EDIL3: variants seen among roughly 807,000 people sequenced by gnomAD.
EDIL3 encodes EGF like and discoidin domains 3, also known as EGF-like repeat and discoidin I-like domain-containing protein 3.
In EDIL3, 37 loss-of-function variants were observed where a neutral mutation model predicts 67.4. That is an observed-to-expected ratio of 0.55 (90% CI 0.42 to 0.72). The LOEUF is 0.72. Ranked by LOEUF, EDIL3 falls within the 30% of genes least tolerant of loss-of-function variation. The pLI is 0.00. For missense variants in EDIL3, 527 were observed against 586.3 expected (o/e 0.90, Z 1.04); for synonymous variants, 195 against 196.3 (o/e 0.99, Z 0.05).
chr5:84,050,259 T>G (rs1056465560), intron 9 of EDIL3, among the ~76,000 whole-genome samples: 1 of 151,190 alleles, frequency 6.6e-6, no homozygotes, highest in Non-Finnish European at 1.5e-5. Context: ...TTCCAGACAT[T>G]TTGATCTTAT....
intron 1 of EDIL3, among the ~76,000 whole-genome samples, chr5:84,319,491 C>CAAAAAAAAAAA (rs1561255911): frequency 2.5e-4 from 1 of 3,942 alleles, no homozygotes; most frequent in African/African-American, 1.1e-3. Flanking sequence ...AAACAAAAAA[C>CAAAAAAAAAAA]AACAAAAAAA....
At chr5:84,233,320 C>T (rs182448588) in intron 2 of EDIL3, among the ~76,000 whole-genome samples, 31 of 152,292 alleles carry the variant, frequency 2.0e-4, no homozygotes, top group Admixed American at 1.6e-3. Flanking sequence ...CAGGCTTCTG[C>T]ATTTTTTATA....
At position 84,251,140 on chromosome 5, in the gene EDIL3, T is replaced by A. The variant is rs142350901; in HGVS notation, c.196+2944A>T. On this transcript the variant is annotated intron_variant, in intron 2 of 10. Transcript: ENST00000296591. ...ATATATTTATTTATTTGAGATGGAG[T>A]CTCTCTCTGTCACCTAGGCTGGAAT... 2.2e-4 allele frequency among the ~76,000 whole-genome samples: 33 copies of A among 152,164 alleles called. No homozygotes were observed. The East Asian group carries it at 6.2e-3, about 28-fold the overall frequency.
At chr5:84,076,645 GA>G (rs1298830411) in intron 6 of EDIL3, among the ~76,000 whole-genome samples, 1 of 152,114 alleles carries the variant, frequency 6.6e-6, no homozygotes. Context: ...TTAATTATTG[GA>G]ATGTATGAAA....
chr5:84,371,448 T>TAC (rs1417769703), intron 1 of EDIL3, among the ~76,000 whole-genome samples: 1 of 93,234 alleles, frequency 1.1e-5, no homozygotes, highest in Non-Finnish European at 2.1e-5. Context: ...TATATATATA[T>TAC]ATAGAGAGAG....
chr5:84,043,032 A>T (rs1746160031), intron 9 of EDIL3, among the ~76,000 whole-genome samples: 1 of 152,212 alleles, frequency 6.6e-6, no homozygotes, highest in Non-Finnish European at 1.5e-5. Context: ...GGACAAACTA[A>T]AGTTAACATA....
Position 84,313,513 on chromosome 5 carries a change from T to C in EDIL3, c.68-59301A>G, listed in dbSNP as rs1746446712. ...GAATCCTGTAGCTACCATGTACTAG[T>C]GGTATTAAGCTAGTCATTAAGTCTT... On this transcript the variant is annotated intron_variant, in intron 1 of 10. Coordinates refer to ENST00000296591, the MANE Select transcript of EDIL3 (RefSeq NM_005711.5). Among the ~76,000 whole-genome samples the C allele has an allele frequency of 2.0e-5, 3 of 152,262 alleles. No individual in the cohort carries two copies. The South Asian group carries it at 6.2e-4, about 32-fold the overall frequency.
At chr5:84,229,680 C>T (rs76248687) in intron 3 of EDIL3, among the ~76,000 whole-genome samples, 175 bp downstream of exon 3, 1,740 of 152,198 alleles carry the variant, frequency 0.011, 40 homozygotes, top group African/African-American at 0.04. Context: ...TCTTAACCAA[C>T]ATCATTTAGT....
At chr5:84,348,766 C>A (rs1277925057) in intron 1 of EDIL3, among the ~76,000 whole-genome samples, 1 of 152,130 alleles carries the variant, frequency 6.6e-6, no homozygotes, top group Non-Finnish European at 1.5e-5. Context: ...TCTCCAATTT[C>A]TACTGAAGGC....
At chr5:84,164,047 T>C (rs956611882) in intron 4 of EDIL3, among the ~76,000 whole-genome samples, 11 of 152,150 alleles carry the variant, frequency 7.2e-5, no homozygotes, top group African/African-American at 2.4e-4. Flanking sequence ...CTGCTGTATA[T>C]GCTGTGCTAT....
At chr5:84,004,344 A>G (rs1197088647) in intron 9 of EDIL3, among the ~76,000 whole-genome samples, 4 of 152,162 alleles carry the variant, frequency 2.6e-5, no homozygotes, top group East Asian at 1.9e-4. Flanking sequence ...ACTGTAGAAC[A>G]TGCCACCCAA....
chr5:84,334,944 ATT>A (rs1746955881), intron 1 of EDIL3, among the ~76,000 whole-genome samples: 1 of 152,158 alleles, frequency 6.6e-6, no homozygotes, highest in South Asian at 2.1e-4. Flanking sequence ...TTTGTTAGTA[ATT>A]ATGCAATTGT....
At chr5:84,102,195 C>A (rs1747379880) in intron 6 of EDIL3, among the ~76,000 whole-genome samples, 3 of 152,036 alleles carry the variant, frequency 2.0e-5, no homozygotes, top group Admixed American at 2.0e-4. Context: ...CTATGATAAA[C>A]CCACAGCCAA....
chr5:84,000,549 C>G (rs1745314699), intron 9 of EDIL3, among the ~76,000 whole-genome samples: 1 of 150,984 alleles, frequency 6.6e-6, no homozygotes, highest in Non-Finnish European at 1.5e-5. Flanking sequence ...TTGGTAATCT[C>G]AAATCAAAAC....
chr5:84,050,197 CAAAAAAAAA>C (rs11335643), intron 9 of EDIL3, among the ~76,000 whole-genome samples: 73 of 60,858 alleles, frequency 1.2e-3, no homozygotes, highest in African/African-American at 4.1e-3. Context: ...AACTCCATCT[CAAAAAAAAA>C]AAAAAAAAAA....
chr5:84,101,343 A>G (rs1306028021), intron 6 of EDIL3, among the ~76,000 whole-genome samples: 1 of 152,078 alleles, frequency 6.6e-6, no homozygotes. Flanking sequence ...TACACCTACT[A>G]TATGGAATTA....
In EDIL3 at chr5:84,132,536, T is replaced by A. The variant is rs1258951159; in HGVS notation, c.469+4705A>T. On this transcript the variant is annotated intron_variant, in intron 5 of 10. Coordinates refer to ENST00000296591, the MANE Select transcript of EDIL3 (RefSeq NM_005711.5). ...ATATATTTTAATATATATTATATAT[T>A]TTATATATAATATATATTTTATATA... Among the ~76,000 whole-genome samples, 57 of 120,888 alleles carry A rather than the reference T, an allele frequency of 4.7e-4. 1 individual carries two copies. In the East Asian group the frequency reaches 0.01, roughly 22 times the overall value. The allele number at this position is 120,888 out of a possible 152,430, so 79.3% of individuals were successfully genotyped here.
chr5:84,201,476 A>G (rs347352), intron 3 of EDIL3, among the ~76,000 whole-genome samples: 4,131 of 152,228 alleles, frequency 0.027, 79 homozygotes, highest in Non-Finnish European at 0.04. Flanking sequence ...CTCATGTACC[A>G]TACTTAGAGA....
At chr5:84,130,398 G>A (rs976562642) in intron 5 of EDIL3, among the ~76,000 whole-genome samples, 2 of 152,000 alleles carry the variant, frequency 1.3e-5, no homozygotes, top group African/African-American at 2.4e-5. Flanking sequence ...ACACAGTTAC[G>A]CTAAGAAAAG....
Sources: allele counts gnomAD v4.1 joint callset (sites outside exome capture counted in the v4.1 genomes callset), GRCh38; gene constraint gnomAD v4.1.1; transcripts MANE v1.5; gene names NCBI Gene and HGNC (gene_info 2026-07-23, HGNC 2026-07-21).